The following TACR1 variants were observed in gnomAD, a reference collection of about 807,000 sequenced individuals.
TACR1 encodes the protein substance-P receptor.
A neutral mutation model predicts 35.8 loss-of-function variants in TACR1; 25 were observed. The observed-to-expected ratio is 0.70, with a 90% CI of 0.51 to 0.98. TACR1 has a LOEUF of 0.98. TACR1 is among the 50% of genes least tolerant of loss of function. The pLI is 0.00. For missense variants in TACR1, 478 were observed against 522.9 expected, an observed-to-expected ratio of 0.91 and a Z score of 0.84; for synonymous variants, 195 against 206.7, an observed-to-expected ratio of 0.94 and a Z score of 0.48.
At chr2:75,130,902 C>G (rs1304438408) in intron 1 of TACR1, among the ~76,000 whole-genome samples, 1 of 152,202 alleles carries the variant, frequency 6.6e-6, no homozygotes, top group Non-Finnish European at 1.5e-5. Context: ...GACCGTTGTT[C>G]TAAATTAACT....
chr2:75,110,423 T>C (rs1673728589), intron 2 of TACR1, among the ~76,000 whole-genome samples: 4 of 151,994 alleles, frequency 2.6e-5, no homozygotes, highest in Admixed American at 2.0e-4. Context: ...TTGCAGAAAA[T>C]CTAAAGTAAA....
At chr2:75,163,983 A>G (rs1675076248) in intron 1 of TACR1, among the ~76,000 whole-genome samples, 1 of 152,126 alleles carries the variant, frequency 6.6e-6, no homozygotes, top group Admixed American at 6.6e-5. Flanking sequence ...AAATCTCCTA[A>G]AAAAGTAAAC....
At chr2:75,082,296 A>G (rs575849192) in intron 2 of TACR1, among the ~76,000 whole-genome samples, 1 of 152,244 alleles carries the variant, frequency 6.6e-6, no homozygotes, top group African/African-American at 2.4e-5. Context: ...TATATGTGCC[A>G]CATTTTCTTA....
At chr2:75,065,837 C>G (rs1672752665) in intron 2 of TACR1, among the ~76,000 whole-genome samples, 1 of 152,204 alleles carries the variant, frequency 6.6e-6, no homozygotes, top group Non-Finnish European at 1.5e-5. Flanking sequence ...CCTCTCATCT[C>G]TCTCTGGAGT....
At chr2:75,141,907 C>T (rs1316323712) in intron 1 of TACR1, among the ~76,000 whole-genome samples, 3 of 152,190 alleles carry the variant, frequency 2.0e-5, no homozygotes, top group African/African-American at 7.2e-5. Flanking sequence ...AACCCCAGGG[C>T]TCTAGCTGGC....
At chr2:75,090,319 A>G (rs1673283878) in intron 2 of TACR1, among the ~76,000 whole-genome samples, 1 of 152,238 alleles carries the variant, frequency 6.6e-6, no homozygotes, top group Admixed American at 6.5e-5. Flanking sequence ...CTTAAAATTT[A>G]ATCTGAAAGA....
At position 75,181,213 on chromosome 2, in the gene TACR1, C is replaced by G. The variant is rs182565775; in HGVS notation, c.389+17333G>C. On this transcript the variant is annotated intron_variant, in intron 1 of 4. Coordinates refer to ENST00000305249, the MANE Select transcript of TACR1 (RefSeq NM_001058.4). ...CATTACCAATTGTTTCTTCCCCACT[C>G]TTCAACATTCTCCCACTCCTCTTAA... is the stretch of plus-strand genomic sequence containing the variant. Among the ~76,000 whole-genome samples the G allele has an allele frequency of 4.5e-3, 691 of 152,306 alleles. 15 individuals are homozygous for G. The highest frequency in any genetic ancestry group is 0.039 in the Admixed American group (604 of 15,302).
intron 1 of TACR1, among the ~76,000 whole-genome samples, chr2:75,151,918 A>T (rs1383707996): frequency 6.6e-6 from 1 of 152,206 alleles, no homozygotes; most frequent in Non-Finnish European, 1.5e-5. Flanking sequence ...ACCTGGAGTC[A>T]AAGGAGATCA....
intron 1 of TACR1, among the ~76,000 whole-genome samples, chr2:75,170,163 G>A (rs991889119): frequency 2.0e-5 from 3 of 152,088 alleles, no homozygotes; most frequent in Non-Finnish European, 2.9e-5. Context: ...TAATTGCCAC[G>A]TGTCATGTTG....
At chr2:75,149,290 A>G (rs376527455) in intron 1 of TACR1, among the ~76,000 whole-genome samples, 1 of 152,064 alleles carries the variant, frequency 6.6e-6, no homozygotes, top group African/African-American at 2.4e-5. Flanking sequence ...TGTCAATGGT[A>G]GTTTGATGGG....
At chr2:75,175,382 T>C (rs1231459396) in intron 1 of TACR1, among the ~76,000 whole-genome samples, 2 of 152,240 alleles carry the variant, frequency 1.3e-5, no homozygotes, top group African/African-American at 4.8e-5. Context: ...TTAATATAAA[T>C]AAAGTGAATA....
intron 1 of TACR1, among the ~76,000 whole-genome samples, chr2:75,194,104 GTTTT>G (rs1022075017): frequency 6.6e-6 from 1 of 152,092 alleles, no homozygotes; most frequent in Non-Finnish European, 1.5e-5. Flanking sequence ...ATTTCTTCCA[GTTTT>G]TTAAAAAAGT....
chr2:75,152,289 G>T lies in TACR1; in HGVS notation c.390-31521C>A, dbSNP rs146701046. Among the ~76,000 whole-genome samples the T allele has an allele frequency of 7.4e-3, 1,131 of 152,252 alleles. 6 individuals carry two copies. The highest frequency in any genetic ancestry group is 0.028 in the Middle Eastern group (8 of 290). ...CCCTACCCAAACCTCAATTTGATTT[G>T]TATCTCCCATAATTCCCACGTGTTG... On this transcript the variant is annotated intron_variant, in intron 1 of 4. Coordinates refer to ENST00000305249, the MANE Select transcript of TACR1 (RefSeq NM_001058.4).
intron 2 of TACR1, among the ~76,000 whole-genome samples, chr2:75,116,500 T>A (rs1002227379): frequency 3.3e-5 from 5 of 152,202 alleles, no homozygotes; most frequent in Non-Finnish European, 7.3e-5. Context: ...ATGGGAACAT[T>A]ATGTTTGATG....
intron 2 of TACR1, among the ~76,000 whole-genome samples, chr2:75,074,456 T>C (rs1303707137): frequency 6.6e-6 from 1 of 152,202 alleles, no homozygotes; most frequent in East Asian, 1.9e-4. Flanking sequence ...CCCTACAGCA[T>C]GTGGCTCATT....
intron 2 of TACR1, among the ~76,000 whole-genome samples, chr2:75,058,723 C>G (rs1462640507): frequency 6.6e-6 from 1 of 152,244 alleles, no homozygotes; most frequent in African/African-American, 2.4e-5. Context: ...AGGCTTGACA[C>G]ATTTTACAGG....
intron 1 of TACR1, 128 bp downstream of exon 1, chr2:75,198,418 A>T: frequency 1.0e-5 from 11 of 1,061,518 alleles, no homozygotes; most frequent in Non-Finnish European, 1.5e-5. Flanking sequence ...GACTCAGTTG[A>T]TCAGTAAAAA....
intron 2 of TACR1, among the ~76,000 whole-genome samples, chr2:75,079,499 A>T (rs1673041451): frequency 6.6e-6 from 1 of 152,144 alleles, no homozygotes; most frequent in African/African-American, 2.4e-5. Flanking sequence ...CACCATGCCC[A>T]GTCTGTCTTT....
intron 2 of TACR1, chr2:75,118,909 C>T (rs923925725): frequency 2.6e-5 from 4 of 152,104 alleles, no homozygotes; most frequent in Admixed American, 6.5e-5. Context: ...TTCTTTCTCC[C>T]GCTGGGACCT....
Sources: allele counts gnomAD v4.1 joint callset (sites outside exome capture counted in the v4.1 genomes callset), GRCh38; gene constraint gnomAD v4.1.1; transcripts MANE v1.5; gene names NCBI Gene and HGNC (gene_info 2026-07-23, HGNC 2026-07-21).